The following DCAF6 variants were observed in gnomAD, a reference collection of about 807,000 sequenced individuals.
DCAF6 encodes the protein DDB1- and CUL4-associated factor 6.
Under a neutral mutation model 125.1 loss-of-function variants are expected in DCAF6, and 54 were observed. That is an observed-to-expected ratio of 0.43 (90% CI 0.35 to 0.54). The LOEUF is 0.54. DCAF6 is among the 20% of genes least tolerant of loss of function. DCAF6 has a pLI of 0.01. For missense variants in DCAF6, 934 were observed against 1,161.7 expected, an observed-to-expected ratio of 0.80 and a Z score of 2.85; for synonymous variants, 371 against 390.4, an observed-to-expected ratio of 0.95 and a Z score of 0.58.
chr1:167,878,403 T>C, the DCAF6 span: 1 of 1,597,410 alleles, frequency 6.3e-7, no homozygotes, highest in South Asian at 1.1e-5. Flanking sequence ...ATTCTCCCGC[T>C]TCTTTACTAA....
At chr1:168,073,467 C>T (rs1260853643) in intron 21 of DCAF6, among the ~76,000 whole-genome samples, 2 of 152,164 alleles carry the variant, frequency 1.3e-5, no homozygotes, top group Admixed American at 1.3e-4. Context: ...ATTTCAGAAG[C>T]CACTGTCACT....
intron 17 of DCAF6, among the ~76,000 whole-genome samples, chr1:168,053,139 T>G (rs983617964): frequency 6.6e-6 from 1 of 152,196 alleles, no homozygotes; most frequent in Non-Finnish European, 1.5e-5. Context: ...TCTTTCAACA[T>G]CATCTTAAGC....
At chr1:168,060,902 C>G (rs902742290) in intron 17 of DCAF6, among the ~76,000 whole-genome samples, 5 of 152,180 alleles carry the variant, frequency 3.3e-5, no homozygotes, top group Non-Finnish European at 5.9e-5. Flanking sequence ...CATGTAAATT[C>G]TTGTTGCATA....
intron 10 of DCAF6, among the ~76,000 whole-genome samples, chr1:168,013,368 T>C (rs1684552583): frequency 6.6e-6 from 1 of 152,254 alleles, no homozygotes; most frequent in African/African-American, 2.4e-5. Context: ...CTGGCGTTAT[T>C]GATTTCTGAA....
chr1:168,009,912 C>CT (rs1436865241), intron 10 of DCAF6, among the ~76,000 whole-genome samples: 1 of 151,060 alleles, frequency 6.6e-6, no homozygotes, highest in African/African-American at 2.4e-5. Context: ...GAGTAAGCAT[C>CT]TTTTTTCCCC....
At chr1:167,990,113 G>A (rs1680616745) in intron 5 of DCAF6, among the ~76,000 whole-genome samples, 1 of 152,122 alleles carries the variant, frequency 6.6e-6, no homozygotes, top group Non-Finnish European at 1.5e-5. Flanking sequence ...ATAGAAGTCA[G>A]TTAATTTTTT....
the DCAF6 span, among the ~76,000 whole-genome samples, chr1:167,889,888 T>C: frequency 4.6e-5 from 7 of 152,224 alleles, no homozygotes; most frequent in African/African-American, 1.4e-4. Flanking sequence ...ATGTCTCCTC[T>C]TTCATTTCTG....
At chr1:167,967,480 C>T (rs1676590654) in intron 3 of DCAF6, among the ~76,000 whole-genome samples, 1 of 152,058 alleles carries the variant, frequency 6.6e-6, no homozygotes, top group African/African-American at 2.4e-5. Flanking sequence ...AAACAGCTGA[C>T]TGATTGTAAT....
intron 14 of DCAF6, 64 bp from the exon 15 acceptor site, chr1:168,044,521 C>T (rs898948025): frequency 4.0e-5 from 48 of 1,188,962 alleles, no homozygotes; most frequent in Non-Finnish European, 6.0e-5. Context: ...TTGGTATTTT[C>T]AGCGATTTTA....
At chr1:168,007,267 A>G (rs1683462179) in intron 10 of DCAF6, among the ~76,000 whole-genome samples, 1 of 152,140 alleles carries the variant, frequency 6.6e-6, no homozygotes, top group African/African-American at 2.4e-5. Flanking sequence ...CTTCTCTTGC[A>G]TTATCATTGC....
chr1:167,889,272 T>A, the DCAF6 span, among the ~76,000 whole-genome samples: 1 of 152,170 alleles, frequency 6.6e-6, no homozygotes, highest in Non-Finnish European at 1.5e-5. Flanking sequence ...TTTTGGGAAT[T>A]TTTATCATGA....
At position 168,015,839 on chromosome 1, in the gene DCAF6, TAAG is replaced by T; in HGVS notation, c.1441_1443del (p.Lys481del). ...GTAAGCGCCTGCAACAACTGAGGCT[TAAG>T]AAGGCTGAGCAGCAGAGGCAGCAAG... On this transcript the variant is annotated inframe_deletion, in exon 11 of 22. Transcript: ENST00000367840. The T allele has an allele frequency of 6.5e-7, 1 of 1,538,636 alleles. No homozygotes were observed. Among genetic ancestry groups the T allele is most frequent in the Non-Finnish European group, 8.8e-7 (1 of 1,140,822 alleles).
At chr1:168,040,635 G>T (rs371950432) in intron 13 of DCAF6, among the ~76,000 whole-genome samples, 2 of 150,948 alleles carry the variant, frequency 1.3e-5, no homozygotes, top group Non-Finnish European at 3.0e-5. Flanking sequence ...GTAGGTCATC[G>T]TACTTATCAC....
Position 167,994,082 on chromosome 1 carries a change from A to C in DCAF6, c.903+642A>C, listed in dbSNP as rs992431806. ...TTTTGTAATTTGTGTTATAATTAAT[A>C]GTAAATAATTACTAGCGTCTATTCT... On this transcript the variant is annotated intron_variant, in intron 7 of 21. Transcript: ENST00000367840. 2.0e-4 allele frequency among the ~76,000 whole-genome samples: 31 copies of C among 151,990 alleles called. 1 individual carries two copies. The highest frequency in any genetic ancestry group is 4.4e-5 in the Non-Finnish European group (3 of 67,940).
At chr1:167,901,787 A>G in the DCAF6 span, 2 of 1,614,192 alleles carry the variant, frequency 1.2e-6, no homozygotes, top group East Asian at 2.2e-5. Context: ...CACCCTCCAC[A>G]GGGCTAGCAG....
chr1:167,927,564 T>C, the DCAF6 span, among the ~76,000 whole-genome samples: 3 of 152,244 alleles, frequency 2.0e-5, no homozygotes, highest in African/African-American at 7.2e-5. Context: ...CAGACTTCTC[T>C]TGTTCTATTT....
At chr1:167,920,281 T>C in the DCAF6 span, among the ~76,000 whole-genome samples, 28 of 152,218 alleles carry the variant, frequency 1.8e-4, no homozygotes. Flanking sequence ...GAAAGAGGAA[T>C]CTTTAAAGTG....
chr1:168,006,799 T>A (rs1246481830), intron 10 of DCAF6, among the ~76,000 whole-genome samples: 1 of 152,204 alleles, frequency 6.6e-6, no homozygotes, highest in Non-Finnish European at 1.5e-5. Flanking sequence ...TGTAAATGTT[T>A]ATCCCTTTAC....
At chr1:167,950,814 A>G (rs983009194) in intron 1 of DCAF6, among the ~76,000 whole-genome samples, 2 of 152,324 alleles carry the variant, frequency 1.3e-5, no homozygotes, top group South Asian at 4.1e-4. Context: ...TTAAAGGGAC[A>G]GATTTCTCTT....
Sources: allele counts gnomAD v4.1 joint callset (sites outside exome capture counted in the v4.1 genomes callset), GRCh38; gene constraint gnomAD v4.1.1; transcripts MANE v1.5; gene names NCBI Gene and HGNC (gene_info 2026-07-23, HGNC 2026-07-21).